The following INSYN2B variants were observed in gnomAD, a reference collection of about 807,000 sequenced individuals.
The protein encoded by INSYN2B is protein INSYN2B.
In INSYN2B, 16 loss-of-function variants were observed where a neutral mutation model predicts 41.2. The ratio of observed to expected loss-of-function variants is 0.39; its 90% CI spans 0.26 to 0.59. INSYN2B has a LOEUF of 0.59. Among genes scored for constraint, INSYN2B ranks in the 20% least tolerant of loss-of-function variants. INSYN2B has a pLI of 0.57. For missense variants in INSYN2B, 608 were observed against 646.4 expected, an observed-to-expected ratio of 0.94 and a Z score of 0.64; for synonymous variants, 245 against 244.4, an observed-to-expected ratio of 1.00 and a Z score of -0.02.
At chr5:169,948,406 T>G (rs898113642) in intron 1 of INSYN2B, among the ~76,000 whole-genome samples, 1 of 152,134 alleles carries the variant, frequency 6.6e-6, no homozygotes, top group Non-Finnish European at 1.5e-5. Flanking sequence ...CTCTGTTTTT[T>G]CATACCCATT....
At chr5:169,979,000 T>C (rs1364900842) in intron 1 of INSYN2B, among the ~76,000 whole-genome samples, 1 of 152,160 alleles carries the variant, frequency 6.6e-6, no homozygotes, top group African/African-American at 2.4e-5. Context: ...TGGAATTCTG[T>C]TTTAAGAAGC....
At chr5:169,914,516 A>C (rs1774772660) in intron 1 of INSYN2B, among the ~76,000 whole-genome samples, 1 of 152,242 alleles carries the variant, frequency 6.6e-6, no homozygotes. Context: ...GATTCAAAAG[A>C]CCAAGGCTAA....
At chr5:169,923,077 G>A (rs1775260850) in intron 1 of INSYN2B, among the ~76,000 whole-genome samples, 2 of 152,188 alleles carry the variant, frequency 1.3e-5, no homozygotes, top group South Asian at 4.1e-4. Flanking sequence ...GGGACACAGA[G>A]CCACCACCTC....
At chr5:169,928,750 G>A (rs1342987216) in intron 1 of INSYN2B, among the ~76,000 whole-genome samples, 1 of 152,200 alleles carries the variant, frequency 6.6e-6, no homozygotes, top group Non-Finnish European at 1.5e-5. Flanking sequence ...AGTTATACAG[G>A]AATGAGTGGG....
At chr5:169,885,763 A>G (rs887566515) in intron 1 of INSYN2B, among the ~76,000 whole-genome samples, 2 of 152,224 alleles carry the variant, frequency 1.3e-5, no homozygotes, top group Admixed American at 6.5e-5. Context: ...GGTAGATAAT[A>G]TTTTTGTCCC....
chr5:169,903,178 G>C (rs1216804002), intron 1 of INSYN2B, among the ~76,000 whole-genome samples: 1 of 151,982 alleles, frequency 6.6e-6, no homozygotes, highest in Non-Finnish European at 1.5e-5. Flanking sequence ...TGGGGAAGCT[G>C]AGGTGGGAGG....
rs541518467 is a variant in INSYN2B, at chr5:169,903,984, C to T, written c.-918-19168G>A. On this transcript the variant is annotated intron_variant, in intron 1 of 3. Transcript: ENST00000377365. The stretch of plus-strand genomic sequence containing the variant: ...GCGTGGTCCTGTAATCCCAGTTACT[C>T]GGGAGGGCTGAGGCATGAGAATTGC... Among the ~76,000 whole-genome samples, 24 of 149,040 alleles carry T rather than the reference C, an allele frequency of 1.6e-4. No individual in the cohort carries two copies. In the South Asian group the frequency reaches 4.7e-3, roughly 29 times the overall value.
intron 1 of INSYN2B, among the ~76,000 whole-genome samples, chr5:169,933,453 T>A (rs1224730345): frequency 6.6e-6 from 1 of 152,236 alleles, no homozygotes; most frequent in Non-Finnish European, 1.5e-5. Context: ...CTCTTTCTGG[T>A]AAATCAGTCA....
intron 3 of INSYN2B, among the ~76,000 whole-genome samples, chr5:169,877,958 G>A (rs1772423693): frequency 6.6e-6 from 1 of 151,992 alleles, no homozygotes; most frequent in Non-Finnish European, 1.5e-5. Context: ...AAGTTTTCTG[G>A]GAAAGACCTC....
intron 1 of INSYN2B, among the ~76,000 whole-genome samples, chr5:169,969,728 C>G (rs1401570169): frequency 1.3e-5 from 2 of 151,460 alleles, no homozygotes; most frequent in Non-Finnish European, 2.9e-5. Context: ...GTCCTGGTTA[C>G]CTAGGACTGA....
chr5:169,973,134 C>T (rs2113768317), intron 1 of INSYN2B, among the ~76,000 whole-genome samples: 1 of 152,224 alleles, frequency 6.6e-6, no homozygotes, highest in Admixed American at 6.5e-5. Flanking sequence ...AGTAATCTTC[C>T]CTCCTGGAAG....
In INSYN2B at chr5:169,884,262, T is replaced by A; in HGVS notation, c.-364A>T. On this transcript the variant is annotated 5_prime_UTR_variant, in exon 2 of 4. Coordinates refer to ENST00000377365, the MANE Select transcript of INSYN2B (RefSeq NM_001129891.3). ...TGATCTTGGAAGAAGCTGGCTGTCT[T>A]GAACAAAAAGACAACAAAAGTACCA... 1 of 174,238 alleles carries A rather than the reference T, an allele frequency of 5.7e-6. No homozygotes were observed. Among genetic ancestry groups the A allele is most frequent in the Non-Finnish European group, 1.2e-5 (1 of 83,246 alleles). 10.8% of individuals were successfully genotyped at this position (174,238 alleles called of 1,614,324 possible).
chr5:169,905,489 C>T (rs1418358017), intron 1 of INSYN2B, among the ~76,000 whole-genome samples: 3 of 152,266 alleles, frequency 2.0e-5, no homozygotes, highest in Non-Finnish European at 4.4e-5. Flanking sequence ...ATAAATAGCT[C>T]GAGGCTGCCA....
intron 1 of INSYN2B, among the ~76,000 whole-genome samples, chr5:169,941,328 C>A (rs1426560640): frequency 6.6e-6 from 1 of 152,190 alleles, no homozygotes; most frequent in Non-Finnish European, 1.5e-5. Flanking sequence ...CTGTCTCAGC[C>A]GCCCAAGTAG....
Position 169,884,291 on chromosome 5 carries a change from AG to A in INSYN2B, c.-394del, listed in dbSNP as rs1403668870. The A allele has an allele frequency of 1.8e-5, 3 of 162,352 alleles. No individual in the cohort carries two copies. Among genetic ancestry groups the A allele is most frequent in the African/African-American group, 7.2e-5 (3 of 41,896 alleles). The allele number at this position is 162,352 out of a possible 1,614,324, so 10.1% of individuals were successfully genotyped here. A position where few individuals can be genotyped will look rare whatever the true frequency, so the allele number is the denominator to read the frequency against. Reference sequence around the variant, plus strand: ...CAAAAAGACAACAAAAGTACCATTTAGGGGGTAGTGCCAGACTCCCAATGAG... The same window carrying A: ...CAAAAAGACAACAAAAGTACCATTTAGGGGTAGTGCCAGACTCCCAATGAG... On this transcript the variant is annotated 5_prime_UTR_variant, in exon 2 of 4. Coordinates refer to ENST00000377365, the MANE Select transcript of INSYN2B (RefSeq NM_001129891.3).
At chr5:169,945,290 C>T (rs1285058305) in intron 1 of INSYN2B, among the ~76,000 whole-genome samples, 1 of 152,236 alleles carries the variant, frequency 6.6e-6, no homozygotes, top group Non-Finnish European at 1.5e-5. Flanking sequence ...CCTTAGCAGG[C>T]ATATACCGAG....
chr5:169,944,954 C>G (rs1776386173), intron 1 of INSYN2B, among the ~76,000 whole-genome samples: 3 of 152,200 alleles, frequency 2.0e-5, no homozygotes, highest in African/African-American at 7.2e-5. Context: ...CTTCAGAAAT[C>G]CTCTCTGGGG....
intron 1 of INSYN2B, among the ~76,000 whole-genome samples, chr5:169,953,045 C>T (rs1776726585): frequency 2.0e-5 from 3 of 152,092 alleles, no homozygotes; most frequent in Admixed American, 2.0e-4. Flanking sequence ...AATTTGGGGC[C>T]AGGCACGGTG....
intron 1 of INSYN2B, among the ~76,000 whole-genome samples, chr5:169,933,177 C>T (rs1451072486): frequency 6.6e-6 from 1 of 152,200 alleles, no homozygotes; most frequent in East Asian, 1.9e-4. Context: ...TTGGTGTACC[C>T]TGAAAGAGAG....
Sources: gnomAD v4.1 joint callset for allele counts (sites outside exome capture counted in the v4.1 genomes callset) on GRCh38, gnomAD v4.1.1 for gene constraint, MANE v1.5 for transcripts, NCBI Gene and HGNC (gene_info 2026-07-23, HGNC 2026-07-21) for gene names.